The following CACNA1B variants were observed in gnomAD, a reference collection of about 807,000 sequenced individuals.
CACNA1B encodes the protein voltage-dependent N-type calcium channel subunit alpha-1B.
Under a neutral mutation model 247.2 loss-of-function variants are expected in CACNA1B, and 70 were observed. That is an observed-to-expected ratio of 0.28 (90% CI 0.23 to 0.35). The LOEUF (loss-of-function observed/expected upper bound fraction) is 0.35, where lower values mean the gene tolerates loss of function less well. Ranked by LOEUF, CACNA1B falls within the 10% of genes least tolerant of loss-of-function variation. The probability of loss-of-function intolerance (pLI) is 1.00; values close to 1 mark genes in which losing one functional copy is unlikely to be tolerated. For missense variants in CACNA1B, 2,367 were observed against 3,197.4 expected (o/e 0.74, Z 6.26); for synonymous variants, 1,231 against 1,294.4 (o/e 0.95, Z 1.05).
At position 137,913,964 on chromosome 9, in the gene CACNA1B, C is replaced by T. The variant is rs1344890411; in HGVS notation, c.623-690C>T. 6.6e-6 allele frequency among the ~76,000 whole-genome samples: 1 copy of T among 152,216 alleles called. No individual in the cohort carries two copies. The highest frequency in any genetic ancestry group is 1.5e-5 in the Non-Finnish European group (1 of 68,032). On this transcript the variant is annotated intron_variant, in intron 4 of 46. Transcript: ENST00000371372. The surrounding 1 kb of genome is among the most constrained non-coding windows in gnomAD (Gnocchi z 5.2). The stretch of plus-strand genomic sequence containing the variant: ...CTGGCCCATATCCAAGTGCTGGGGC[C>T]AGACTCGAAGGGGAGGGGTCAAGGT...
rs1956913412 is a variant in CACNA1B, at chr9:137,881,215, C to A, written c.391-1529C>A. Among the ~76,000 whole-genome samples the A allele has an allele frequency of 1.3e-5, 2 of 152,176 alleles. No individual in the cohort carries two copies. The highest frequency in any genetic ancestry group is 2.9e-5 in the Non-Finnish European group (2 of 68,026). On this transcript the variant is annotated intron_variant, in intron 2 of 46. Coordinates refer to ENST00000371372, the MANE Select transcript of CACNA1B (RefSeq NM_000718.4). The surrounding 1 kb of genome is among the most constrained non-coding windows in gnomAD (Gnocchi z 4.3). Reference sequence around the variant, plus strand: ...CTTGGGAAAAGGGGTCCCTCCTAAACAAATCAGACCAGAAGGCTCGAGGCC... The same window carrying A: ...CTTGGGAAAAGGGGTCCCTCCTAAAAAAATCAGACCAGAAGGCTCGAGGCC...
Position 137,917,262 on chromosome 9 carries a change from T to G in CACNA1B, c.797T>G (p.Phe266Cys), listed in dbSNP as rs767048702. Reference protein sequence around the residue: ...NSTDAEPVGDFPCGKEAPARL... With the variant: ...NSTDAEPVGDCPCGKEAPARL... ...GCAGATGCGGAGCCCGTGGGTGACT[T>G]CCCCTGTGGCAAGGAGGCCCCAGCC... Residue 266 changes from phenylalanine to cysteine, a missense_variant, in exon 6 of 47, where the codon TTC (phenylalanine) becomes TGC (cysteine). Transcript: ENST00000371372. The surrounding 1 kb of genome is among the most constrained non-coding windows in gnomAD (Gnocchi z 5.5). The G allele has an allele frequency of 4.3e-6, 7 of 1,613,334 alleles. No individual in the cohort carries two copies. The highest frequency in any genetic ancestry group is 5.9e-6 in the Non-Finnish European group (7 of 1,179,572).
chr9:138,052,255 T>TGCGTGTGTGTGTGC lies in CACNA1B; in HGVS notation c.3807+68_3807+69insCGTGTGTGTGTGCG. 1.2e-6 allele frequency: 1 copy of TGCGTGTGTGTGTGC among 829,556 alleles called. No homozygotes were observed. The allele number at this position is 829,556 out of a possible 1,614,324, so 51.4% of individuals were successfully genotyped here. A position where few individuals can be genotyped will look rare whatever the true frequency, so the allele number is the denominator to read the frequency against. On this transcript the variant is annotated intron_variant, in intron 25 of 46. Coordinates refer to ENST00000371372, the MANE Select transcript of CACNA1B (RefSeq NM_000718.4). This position sits in a 1 kb window ranked among gnomAD's most constrained non-coding sequence, Gnocchi z 5.1. ...GTGTGCGTGTGTGTGTGTGCGTGTG[T>TGCGTGTGTGTGTGC]GTGTGTGTATGCATGCAGTGCATGA...
At chr9:138,016,003 TACAC>T (rs1435535668) in intron 18 of CACNA1B, among the ~76,000 whole-genome samples, 1 of 151,616 alleles carries the variant, frequency 6.6e-6, no homozygotes, top group Admixed American at 6.6e-5. Flanking sequence ...TATACACAAG[TACAC>T]ACAGACACAC....
rs562679954 is a variant in CACNA1B, at chr9:138,055,150, A to G, written c.3968+1144A>G. Among the ~76,000 whole-genome samples, 6 of 148,814 alleles carry G rather than the reference A, an allele frequency of 4.0e-5. No individual in the cohort carries two copies. The East Asian group carries it at 1.2e-3, about 29-fold the overall frequency. The stretch of plus-strand genomic sequence containing the variant: ...TTTTCTTTTTTTTTTTTTTTGAGAC[A>G]GGATCTCACACTTTTGCCCAGGCTG... On this transcript the variant is annotated intron_variant, in intron 26 of 46. Coordinates refer to ENST00000371372, the MANE Select transcript of CACNA1B (RefSeq NM_000718.4).
intron 6 of CACNA1B, among the ~76,000 whole-genome samples, chr9:137,934,190 G>A (rs143809004): frequency 6.6e-6 from 1 of 152,286 alleles, no homozygotes; most frequent in East Asian, 1.9e-4. Context: ...CAGGTTCACA[G>A]GTGTAGTGGC....
chr9:137,948,711 GTGTGGTGTA>G (rs1409358326), intron 6 of CACNA1B, among the ~76,000 whole-genome samples: 1 of 150,914 alleles, frequency 6.6e-6, no homozygotes, highest in Non-Finnish European at 1.5e-5. Flanking sequence ...TCTGGTGTGT[GTGTGGTGTA>G]TGTGGTGTGT....
In CACNA1B at chr9:138,012,714, T is replaced by TAAA. The variant is rs1234995951; in HGVS notation, c.2161-403_2161-401dup. Among the ~76,000 whole-genome samples the TAAA allele has an allele frequency of 7.5e-6, 1 of 132,558 alleles. No individual in the cohort carries two copies. 87.0% of individuals were successfully genotyped at this position (132,558 alleles called of 152,430 possible). A position where few individuals can be genotyped will look rare whatever the true frequency, so the allele number is the denominator to read the frequency against. On this transcript the variant is annotated intron_variant, in intron 17 of 46. Transcript: ENST00000371372. This position sits in a 1 kb window ranked among gnomAD's most constrained non-coding sequence, Gnocchi z 4.2. Reference sequence around the variant, plus strand: ...GGGTGACAGAGCGAGACCCTGTCTCTAAAAAAAAAAAAAACAAATAACAAA... The same window carrying TAAA: ...GGGTGACAGAGCGAGACCCTGTCTCTAAAAAAAAAAAAAAAAACAAATAACAAA...
At chr9:137,890,864 T>C (rs1461199185) in intron 3 of CACNA1B, 2 of 151,978 alleles carry the variant, frequency 1.3e-5, no homozygotes, top group Non-Finnish European at 1.5e-5. Flanking sequence ...AGGTCACAGT[T>C]TGGGGAGTCT....
At chr9:137,951,480 G>A (rs935086426) in intron 6 of CACNA1B, among the ~76,000 whole-genome samples, 7 of 152,286 alleles carry the variant, frequency 4.6e-5, no homozygotes, top group South Asian at 2.1e-4. Context: ...GAAGAGAGGC[G>A]TCCAGGAACG....
intron 6 of CACNA1B, among the ~76,000 whole-genome samples, chr9:137,931,987 C>T (rs753377378): frequency 5.3e-5 from 8 of 152,104 alleles, no homozygotes; most frequent in South Asian, 2.1e-4. Flanking sequence ...AATTTCCAGG[C>T]GGCATCCCTT....
At chr9:138,022,934 T>C in intron 18 of CACNA1B, 77 bp from the exon 19 acceptor site, 2 of 1,424,252 alleles carry the variant, frequency 1.4e-6, no homozygotes, top group Non-Finnish European at 1.8e-6. Flanking sequence ...TCCATTGCTG[T>C]GTGTGCATTG....
intron 20 of CACNA1B, among the ~76,000 whole-genome samples, chr9:138,039,596 A>G (rs940120723): frequency 6.6e-6 from 1 of 152,100 alleles, no homozygotes; most frequent in African/African-American, 2.4e-5. Context: ...TCAGTTTCCA[A>G]ATGTAAAATT....
rs1274400931 is a variant in CACNA1B, at chr9:137,884,965, CCCCTCCT to C, written c.530+2086_530+2092del. ...TCCCTCCTCTCCCCTCTTCCCCCCC[CCCCTCCT>C]CCCACTTTGCCTGTCTAGCCCTTTG... On this transcript the variant is annotated intron_variant, in intron 3 of 46. Transcript: ENST00000371372. 2.5e-3 allele frequency among the ~76,000 whole-genome samples: 277 copies of C among 110,810 alleles called. 2 individuals carry two copies. Among genetic ancestry groups the C allele is most frequent in the African/African-American group, 8.3e-3 (252 of 30,284 alleles). The allele number at this position is 110,810 out of a possible 152,430, so 72.7% of individuals were successfully genotyped here. A position where few individuals can be genotyped will look rare whatever the true frequency, so the allele number is the denominator to read the frequency against.
chr9:138,059,655 A>G lies in CACNA1B; in HGVS notation c.4586A>G (p.Asn1529Ser). The G allele has an allele frequency of 6.3e-7, 1 of 1,591,210 alleles. No individual in the cohort carries two copies. The highest frequency in any genetic ancestry group is 2.2e-5 in the East Asian group (1 of 44,774). Residue 1529 changes from asparagine (N) to serine (S), a missense_variant and splice_region_variant, in exon 31 of 47, where the codon AAC (asparagine) becomes AGC (serine). By Grantham distance (46) the Asn-to-Ser change is conservative. Transcript: ENST00000371372. This position sits in a 1 kb window ranked among gnomAD's most constrained non-coding sequence, Gnocchi z 4.2. The part of the protein sequence containing the change: ...VLKIIAFGVL[N>S]YFRDAWNVFD... ...CTAACTGCTCTTCTTTTTCTCTAGA[A>G]CTATTTCAGAGATGCCTGGAATGTC...
chr9:138,054,114 A>C lies in CACNA1B; in HGVS notation c.3968+108A>C. On this transcript the variant is annotated intron_variant, in intron 26 of 46. Coordinates refer to ENST00000371372, the MANE Select transcript of CACNA1B (RefSeq NM_000718.4). The surrounding 1 kb of genome is among the most constrained non-coding windows in gnomAD (Gnocchi z 4.6). ...CTGGTCACACGGCGTGGGAGACTCC[A>C]CTGCAGAGCATCACGGACCCTGCCT... is the stretch of plus-strand genomic sequence containing the variant. The C allele has an allele frequency of 9.6e-7, 1 of 1,036,876 alleles. No individual in the cohort carries two copies. Among genetic ancestry groups the C allele is most frequent in the South Asian group, 1.4e-5 (1 of 70,906 alleles). 64.2% of individuals were successfully genotyped at this position (1,036,876 alleles called of 1,614,324 possible).
intron 39 of CACNA1B, among the ~76,000 whole-genome samples, chr9:138,111,725 TCCTG>T (rs796150142): frequency 3.7e-4 from 54 of 147,706 alleles, no homozygotes; most frequent in African/African-American, 1.3e-3. Context: ...TCCCTAACCC[TCCTG>T]CCCACCCCTC....
At chr9:138,004,378 T>A (rs1249068462) in intron 15 of CACNA1B, among the ~76,000 whole-genome samples, 1 of 151,676 alleles carries the variant, frequency 6.6e-6, no homozygotes, top group African/African-American at 2.4e-5. Context: ...CAAAACCCCA[T>A]CTCTACTAAA....
rs987866265 is a variant in CACNA1B, at chr9:138,009,886, G to A, written c.2093-124G>A. 6 of 712,614 alleles carry A rather than the reference G, an allele frequency of 8.4e-6. No homozygotes were observed. In the Admixed American group the frequency reaches 1.3e-4, roughly 16 times the overall value. The allele number at this position is 712,614 out of a possible 1,614,324, so 44.1% of individuals were successfully genotyped here. On this transcript the variant is annotated intron_variant, in intron 16 of 46. Coordinates refer to ENST00000371372, the MANE Select transcript of CACNA1B (RefSeq NM_000718.4). ...AGTGTGTCTGGGGATGGGGCCTTGG[G>A]GAGCTGGTAGGTGCCAAGGGAAGGA...
Sources: allele counts gnomAD v4.1 joint callset (sites outside exome capture counted in the v4.1 genomes callset), GRCh38; gene constraint gnomAD v4.1.1; non-coding constraint Gnocchi (gnomAD v3.1); transcripts MANE v1.5; gene names NCBI Gene and HGNC (gene_info 2026-07-23, HGNC 2026-07-21).